Variants in WWOX observed in about 807,000 individuals in gnomAD.
WWOX encodes WW domain containing oxidoreductase, also known as WW domain-containing oxidoreductase.
A neutral mutation model predicts 46.2 loss-of-function variants in WWOX; 69 were observed. The observed-to-expected ratio is 1.49, with a 90% CI of 1.23 to 1.82. The LOEUF (loss-of-function observed/expected upper bound fraction) is 1.82. Ranked by LOEUF, WWOX falls within the 40% of genes most tolerant of loss-of-function variation. The pLI, the probability that WWOX is intolerant of heterozygous loss-of-function variation, is 0.00. For synonymous variants in WWOX, 359 were observed against 202.6 expected, an observed-to-expected ratio of 1.77 and a Z score of -6.56; for missense variants, 919 against 542.6, an observed-to-expected ratio of 1.69 and a Z score of -6.89.
At position 78,763,126 on chromosome 16, in the gene WWOX, A is replaced by G. The variant is rs557924163; in HGVS notation, c.1056+330374A>G. Reference sequence around the variant, plus strand: ...CAAAGCACTATTGTAGGCTGTGGAGATAGGGAGCTGAAGTACTGAAAGCGT... The same window carrying G: ...CAAAGCACTATTGTAGGCTGTGGAGGTAGGGAGCTGAAGTACTGAAAGCGT... On this transcript the variant is annotated intron_variant, in intron 8 of 8. Coordinates refer to ENST00000566780, the MANE Select transcript of WWOX (RefSeq NM_016373.4). Among the ~76,000 whole-genome samples, 3 of 152,304 alleles carry G rather than the reference A, an allele frequency of 2.0e-5. No homozygotes were observed. The South Asian group carries it at 6.2e-4, about 32-fold the overall frequency.
chr16:78,344,987 G>C lies in WWOX; in HGVS notation c.517-41873G>C, dbSNP rs140314398. Reference sequence around the variant, plus strand: ...CTCTGAGCAAGCTTCCATTTTTCCAGGTGAAAACGGGAGTTTAGCCTAGTC... The same window carrying C: ...CTCTGAGCAAGCTTCCATTTTTCCACGTGAAAACGGGAGTTTAGCCTAGTC... On this transcript the variant is annotated intron_variant, in intron 5 of 8. Transcript: ENST00000566780. Among the ~76,000 whole-genome samples the C allele has an allele frequency of 4.2e-4, 51 of 120,228 alleles. 1 individual carries two copies. In the East Asian group the frequency reaches 9.3e-3, roughly 22 times the overall value. 78.9% of individuals were successfully genotyped at this position (120,228 alleles called of 152,430 possible). A position where few individuals can be genotyped will look rare whatever the true frequency, so the allele number is the denominator to read the frequency against.
At chr16:78,546,070 T>C (rs2044024197) in intron 8 of WWOX, among the ~76,000 whole-genome samples, 1 of 152,242 alleles carries the variant, frequency 6.6e-6, no homozygotes, top group Non-Finnish European at 1.5e-5. Flanking sequence ...TTATGGTGGA[T>C]AAGGGGAAAA....
At chr16:78,786,933 G>C (rs1451006562) in intron 8 of WWOX, among the ~76,000 whole-genome samples, 1 of 152,142 alleles carries the variant, frequency 6.6e-6, no homozygotes, top group Admixed American at 6.5e-5. Context: ...GGATCACTTG[G>C]GGTGAAGAGT....
At chr16:78,674,270 C>A in intron 8 of WWOX, among the ~76,000 whole-genome samples, 1 of 143,228 alleles carries the variant, frequency 7.0e-6, no homozygotes, top group African/African-American at 2.6e-5. Flanking sequence ...TCGTTCCAAC[C>A]AGTTCATCTT....
chr16:78,725,698 A>C (rs1390399341), intron 8 of WWOX, among the ~76,000 whole-genome samples: 1 of 151,988 alleles, frequency 6.6e-6, no homozygotes, highest in Non-Finnish European at 1.5e-5. Flanking sequence ...GAAATGTATC[A>C]TCTCACAGTT....
intron 6 of WWOX, among the ~76,000 whole-genome samples, chr16:78,415,664 G>A (rs1407451239): frequency 6.6e-6 from 1 of 152,140 alleles, no homozygotes; most frequent in Non-Finnish European, 1.5e-5. Flanking sequence ...AGAAAGAGAC[G>A]GGGTAGTCAG....
chr16:78,585,783 G>T (rs1456129310), intron 8 of WWOX, among the ~76,000 whole-genome samples: 1 of 151,704 alleles, frequency 6.6e-6, no homozygotes, highest in Non-Finnish European at 1.5e-5. Flanking sequence ...CCAAGGCAGG[G>T]GGCAGATTCC....
chr16:78,552,865 A>G (rs1157604102), intron 8 of WWOX: 2 of 152,152 alleles, frequency 1.3e-5, no homozygotes, highest in African/African-American at 4.8e-5. Context: ...AATGACTGCT[A>G]TTGCAAAGAT....
At chr16:78,526,719 A>T (rs1473679778) in intron 8 of WWOX, among the ~76,000 whole-genome samples, 2 of 152,150 alleles carry the variant, frequency 1.3e-5, no homozygotes, top group African/African-American at 4.8e-5. Flanking sequence ...ACCTGTGACC[A>T]TCTCCAAGTC....
chr16:78,656,575 G>C (rs1462037419), intron 8 of WWOX, among the ~76,000 whole-genome samples: 1 of 152,152 alleles, frequency 6.6e-6, no homozygotes, highest in African/African-American at 2.4e-5. Flanking sequence ...GATCTGGTGA[G>C]AACTCACTCA....
chr16:79,008,259 G>C (rs577889232), intron 8 of WWOX, among the ~76,000 whole-genome samples: 38 of 152,290 alleles, frequency 2.5e-4, no homozygotes, highest in Admixed American at 9.8e-4. Flanking sequence ...GCTTCTTCAA[G>C]ACTGAAGGAG....
At chr16:78,908,855 C>A (rs117985507) in intron 8 of WWOX, among the ~76,000 whole-genome samples, 1 of 152,146 alleles carries the variant, frequency 6.6e-6, no homozygotes, top group African/African-American at 2.4e-5. Flanking sequence ...TACTGATGTT[C>A]GGTTTTACCA....
At chr16:79,188,700 C>G (rs1189641327) in intron 8 of WWOX, among the ~76,000 whole-genome samples, 2 of 152,212 alleles carry the variant, frequency 1.3e-5, no homozygotes, top group South Asian at 2.1e-4. Flanking sequence ...TCTCTTAGCA[C>G]AAAGTCCTGA....
rs947205388 is a variant in WWOX at position 78,493,192 on chromosome 16, C to T, written c.1056+60440C>T. On this transcript the variant is annotated intron_variant, in intron 8 of 8. Transcript: ENST00000566780. ...ATGTCAGTTACTTAATGGAATAATACATGTTTCCTGCTTCCATTGTCTTCC... is the reference window on the plus strand; with the variant it reads ...ATGTCAGTTACTTAATGGAATAATATATGTTTCCTGCTTCCATTGTCTTCC... Among the ~76,000 whole-genome samples the T allele has an allele frequency of 3.9e-5, 6 of 152,312 alleles. No individual in the cohort carries two copies. In the East Asian group the frequency reaches 1.2e-3, roughly 29 times the overall value.
intron 5 of WWOX, among the ~76,000 whole-genome samples, chr16:78,332,687 A>G (rs2080788957): frequency 6.6e-6 from 1 of 152,170 alleles, no homozygotes; most frequent in Non-Finnish European, 1.5e-5. Context: ...AGAGTTGCCC[A>G]AATTAGTGCC....
intron 8 of WWOX, among the ~76,000 whole-genome samples, chr16:78,529,099 G>A (rs1003975798): frequency 6.6e-6 from 1 of 151,248 alleles, no homozygotes; most frequent in African/African-American, 2.4e-5. Context: ...GACTACAGGT[G>A]CACACTACCA....
chr16:78,887,661 A>G (rs570286817), intron 8 of WWOX, among the ~76,000 whole-genome samples: 4 of 152,338 alleles, frequency 2.6e-5, no homozygotes, highest in African/African-American at 7.2e-5. Context: ...TGTGGATTCC[A>G]TAAAATAGTG....
intron 8 of WWOX, among the ~76,000 whole-genome samples, chr16:78,993,683 G>C (rs2046932962): frequency 6.6e-6 from 1 of 152,208 alleles, no homozygotes; most frequent in South Asian, 2.1e-4. Flanking sequence ...TTATGTGGCT[G>C]CCACGGGGGG....
At chr16:78,957,930 A>G (rs533536239) in intron 8 of WWOX, among the ~76,000 whole-genome samples, 4 of 152,154 alleles carry the variant, frequency 2.6e-5, no homozygotes, top group Non-Finnish European at 5.9e-5. Context: ...AACTCAATTC[A>G]CTGTCACCAC....
Sources: allele counts gnomAD v4.1 joint callset (sites outside exome capture counted in the v4.1 genomes callset), GRCh38; gene constraint gnomAD v4.1.1; transcripts MANE v1.5; gene names NCBI Gene and HGNC (gene_info 2026-07-23, HGNC 2026-07-21).